KCNQ1OT1: variants seen among roughly 807,000 people sequenced by gnomAD.
KCNQ1OT1 encodes the protein KCNQ1 antisense RNA 2 (non-protein coding).
In KCNQ1OT1 at chr11:2,645,685, G is replaced by A. The variant is rs1849655260; in HGVS notation, n.54310C>T. 2.5e-6 allele frequency: 1 copy of A among 398,694 alleles called. No individual in the cohort carries two copies. The highest frequency in any genetic ancestry group is 4.4e-6 in the Non-Finnish European group (1 of 226,270). The allele number at this position is 398,694 out of a possible 1,614,324, so 24.7% of individuals were successfully genotyped here. ...GAGTATTGCCAATGGCTCATGCTTTGGCCTGGAGGGAGCAGTCAGGAGTGG... is the reference window on the plus strand; with the variant it reads ...GAGTATTGCCAATGGCTCATGCTTTAGCCTGGAGGGAGCAGTCAGGAGTGG... On this transcript the variant is annotated non_coding_transcript_exon_variant, in exon 1 of 1. Transcript: ENST00000597346. The surrounding 1 kb of genome is among the most constrained non-coding windows in gnomAD (Gnocchi z 5.8).
At chr11:2,694,738 A>T (rs1850646042) in exon 1 of KCNQ1OT1, 1 of 398,522 alleles carries the variant, frequency 2.5e-6, no homozygotes, top group South Asian at 1.3e-4. Context: ...CCAACAAATA[A>T]GTAGATGTCT....
exon 1 of KCNQ1OT1, chr11:2,697,301 T>A (rs1850693956): frequency 2.5e-6 from 1 of 398,582 alleles, no homozygotes; most frequent in South Asian, 1.3e-4. Context: ...ACCAAAATGT[T>A]TGAGAATCTT....
exon 1 of KCNQ1OT1, chr11:2,641,684 G>T (rs979286686): frequency 5.8e-5 from 23 of 397,950 alleles, no homozygotes; most frequent in Non-Finnish European, 8.9e-5. Context: ...GTGTTTTTGA[G>T]GTCTTATCCA....
At chr11:2,675,727 CT>C (rs1161926579) in exon 1 of KCNQ1OT1, 2 of 398,718 alleles carry the variant, frequency 5.0e-6, no homozygotes, top group Non-Finnish European at 4.4e-6. Flanking sequence ...GGAGCAGCCC[CT>C]GCTCCACAGA....
At chr11:2,625,010 G>A (rs1849241471) in exon 1 of KCNQ1OT1, 1 of 398,390 alleles carries the variant, frequency 2.5e-6, no homozygotes, top group Non-Finnish European at 4.4e-6. Flanking sequence ...TTGCATTGAT[G>A]TTTTAACTGT....
At position 2,682,516 on chromosome 11, in the gene KCNQ1OT1, C is replaced by T. The variant is rs1333899864; in HGVS notation, n.17479G>A. The T allele has an allele frequency of 1.9e-5, 7 of 363,016 alleles. No homozygotes were observed. Among genetic ancestry groups the T allele is most frequent in the Middle Eastern group, 1.3e-3 (2 of 1,494 alleles). The allele number at this position is 363,016 out of a possible 1,614,324, so 22.5% of individuals were successfully genotyped here. A position where few individuals can be genotyped will look rare whatever the true frequency, so the allele number is the denominator to read the frequency against. ...TGAGTGAGTGAGTGAGTACTTGTGC[C>T]CAGGTCAAACCAGGTGCTAGGACCC... On this transcript the variant is annotated non_coding_transcript_exon_variant, in exon 1 of 1. Coordinates refer to ENST00000597346, the Ensembl canonical transcript of KCNQ1OT1. This position sits in a 1 kb window ranked among gnomAD's most constrained non-coding sequence, Gnocchi z 5.8.
chr11:2,689,330 T>A (rs931482311), exon 1 of KCNQ1OT1: 6 of 398,508 alleles, frequency 1.5e-5, no homozygotes, highest in Admixed American at 8.8e-5. Flanking sequence ...ACTGCCCCTA[T>A]CCGCAGAGCT....
At position 2,668,396 on chromosome 11, in the gene KCNQ1OT1, G is replaced by C. The variant is rs1249015000; in HGVS notation, n.31599C>G. The C allele has an allele frequency of 7.5e-6, 3 of 398,442 alleles. No homozygotes were observed. In the Admixed American group the frequency reaches 1.3e-4, roughly 18 times the overall value. 24.7% of individuals were successfully genotyped at this position (398,442 alleles called of 1,614,324 possible). On this transcript the variant is annotated non_coding_transcript_exon_variant, in exon 1 of 1. Transcript: ENST00000597346. This position sits in a 1 kb window ranked among gnomAD's most constrained non-coding sequence, Gnocchi z 4.3. ...AATACTACCCAGCAGTCTACCAAAG[G>C]AGTCATTCCAATTTTCATTCCCACA...
chr11:2,625,603 G>A, exon 1 of KCNQ1OT1: 1 of 384,832 alleles, frequency 2.6e-6, no homozygotes, highest in Non-Finnish European at 4.5e-6. Flanking sequence ...TTGAGATGGA[G>A]TCTCACTCTG....
chr11:2,694,611 C>T (rs1850643154), exon 1 of KCNQ1OT1: 1 of 398,576 alleles, frequency 2.5e-6, no homozygotes, highest in Non-Finnish European at 4.4e-6. Flanking sequence ...TTCCTTCGTT[C>T]AATAAATGAA....
At chr11:2,633,290 C>A (rs1365094078) in exon 1 of KCNQ1OT1, 3 of 398,354 alleles carry the variant, frequency 7.5e-6, no homozygotes, top group Admixed American at 8.8e-5. Context: ...GATATTAATC[C>A]CTTGTCAGAT....
chr11:2,621,391 T>C lies in KCNQ1OT1; in HGVS notation n.78604A>G, dbSNP rs757905031. The C allele has an allele frequency of 9.8e-5, 39 of 398,532 alleles. No individual in the cohort carries two copies. Among genetic ancestry groups the C allele is most frequent in the Non-Finnish European group, 1.5e-4 (35 of 226,070 alleles). 24.7% of individuals were successfully genotyped at this position (398,532 alleles called of 1,614,324 possible). On this transcript the variant is annotated non_coding_transcript_exon_variant, in exon 1 of 1. Transcript: ENST00000597346. The surrounding 1 kb of genome is among the most constrained non-coding windows in gnomAD (Gnocchi z 5.7). ...CTGTCCTTTGCCAATTCAATTGGATTATTCGTTTTTTGCTTGTTGATTGGT... is the reference window on the plus strand; with the variant it reads ...CTGTCCTTTGCCAATTCAATTGGATCATTCGTTTTTTGCTTGTTGATTGGT...
chr11:2,667,909 C>T, exon 1 of KCNQ1OT1: 1 of 398,652 alleles, frequency 2.5e-6, no homozygotes, highest in Non-Finnish European at 4.4e-6. Context: ...CATCTTCAGT[C>T]CCTGGGACCC....
At chr11:2,644,665 C>T (rs1849639159) in exon 1 of KCNQ1OT1, 2 of 398,410 alleles carry the variant, frequency 5.0e-6, no homozygotes, top group African/African-American at 4.1e-5. Context: ...TCTGGTGTAA[C>T]AGTAGTTTCT....
rs1382103791 is a variant in KCNQ1OT1, at chr11:2,626,804, A to G, written n.73191T>C. ...CAGCCTTCAAAAGTGCTGAGATTAC[A>G]GGTGTAGGCCATTGTACCTGGCCTG... On this transcript the variant is annotated non_coding_transcript_exon_variant, in exon 1 of 1. Coordinates refer to ENST00000597346, the Ensembl canonical transcript of KCNQ1OT1. This position sits in a 1 kb window ranked among gnomAD's most constrained non-coding sequence, Gnocchi z 4.0. 1 of 398,504 alleles carries G rather than the reference A, an allele frequency of 2.5e-6. No individual in the cohort carries two copies. Among genetic ancestry groups the G allele is most frequent in the African/African-American group, 2.1e-5 (1 of 48,618 alleles). 24.7% of individuals were successfully genotyped at this position (398,504 alleles called of 1,614,324 possible). A position where few individuals can be genotyped will look rare whatever the true frequency, so the allele number is the denominator to read the frequency against.
exon 1 of KCNQ1OT1, chr11:2,667,348 C>A: frequency 2.5e-6 from 1 of 398,712 alleles, no homozygotes; most frequent in South Asian, 1.3e-4. Flanking sequence ...CTCATTTCCT[C>A]TGCAAGGGAA....
rs1281068875 is a variant in KCNQ1OT1 at position 2,608,485 on chromosome 11, T to C, written n.91510A>G. 4 of 398,578 alleles carry C rather than the reference T, an allele frequency of 1.0e-5. No homozygotes were observed. Among genetic ancestry groups the C allele is most frequent in the Non-Finnish European group, 1.8e-5 (4 of 226,046 alleles). 24.7% of individuals were successfully genotyped at this position (398,578 alleles called of 1,614,324 possible). A position where few individuals can be genotyped will look rare whatever the true frequency, so the allele number is the denominator to read the frequency against. ...TCCCTCATTCATTCCTTTTTCCTTTTCTTTTTGAGAAACAGAGTCTCTCTC... is the reference window on the plus strand; with the variant it reads ...TCCCTCATTCATTCCTTTTTCCTTTCCTTTTTGAGAAACAGAGTCTCTCTC... On this transcript the variant is annotated non_coding_transcript_exon_variant, in exon 1 of 1. Transcript: ENST00000597346. This position sits in a 1 kb window ranked among gnomAD's most constrained non-coding sequence, Gnocchi z 4.6.
In KCNQ1OT1 at chr11:2,695,241, C is replaced by T; in HGVS notation, n.4754G>A. On this transcript the variant is annotated non_coding_transcript_exon_variant, in exon 1 of 1. Transcript: ENST00000597346. This position sits in a 1 kb window ranked among gnomAD's most constrained non-coding sequence, Gnocchi z 5.2. ...TGCATAAAGTCACCGCTCTCTTCCT[C>T]TCCATGCTTTTCCACTTCATCTCTA... The T allele has an allele frequency of 2.5e-6, 1 of 398,684 alleles. No homozygotes were observed. The highest frequency in any genetic ancestry group is 6.3e-4 in the Middle Eastern group (1 of 1,588). The allele number at this position is 398,684 out of a possible 1,614,324, so 24.7% of individuals were successfully genotyped here.
At chr11:2,614,596 T>C (rs80257402) in exon 1 of KCNQ1OT1, 6,564 of 398,500 alleles carry the variant, frequency 0.016, 283 homozygotes, top group East Asian at 0.11. Context: ...CTTTGATATA[T>C]GAGGATCCAG....
Sources: allele counts gnomAD v4.1 joint callset, GRCh38; gene constraint gnomAD v4.1.1; non-coding constraint Gnocchi (gnomAD v3.1); transcripts MANE v1.5; gene names NCBI Gene and HGNC (gene_info 2026-07-23, HGNC 2026-07-21).